Variants in TLE4 observed in about 807,000 individuals in gnomAD.
TLE4 encodes the protein transducin-like enhancer protein 4.
Under a neutral mutation model 92.8 loss-of-function variants are expected in TLE4, and 8 were observed. That is an observed-to-expected ratio of 0.09 (90% confidence interval 0.05 to 0.16). The LOEUF is 0.16. TLE4 is among the 10% of genes least tolerant of loss of function. The pLI is 1.00. For missense variants in TLE4, 675 were observed against 997.6 expected, an observed-to-expected ratio of 0.68 and a Z score of 4.36; for synonymous variants, 371 against 374.1, an observed-to-expected ratio of 0.99 and a Z score of 0.10.
intron 4 of TLE4, among the ~76,000 whole-genome samples, chr9:79,595,817 G>A (rs910709865): frequency 2.0e-5 from 3 of 151,304 alleles, no homozygotes; most frequent in African/African-American, 7.3e-5. Context: ...AATTATCTGA[G>A]AGAATTTTTG....
At position 79,681,241 on chromosome 9, in the gene TLE4, A is replaced by T. The variant is rs149312856; in HGVS notation, c.610-23542A>T. On this transcript the variant is annotated intron_variant, in intron 8 of 19. Transcript: ENST00000376552. The stretch of plus-strand genomic sequence containing the variant: ...CAAAAATTAAGATTTACTCTGGGGG[A>T]AATTATGTACTGATGAAGTAGAATG... Among the ~76,000 whole-genome samples the T allele has an allele frequency of 4.2e-3, 633 of 152,224 alleles. 1 individual carries two copies. The highest frequency in any genetic ancestry group is 0.017 in the Middle Eastern group (5 of 294).
At position 79,652,667 on chromosome 9, in the gene TLE4, C is replaced by T. The variant is rs751272082; in HGVS notation, c.465C>T (p.Leu155=). 2.5e-6 allele frequency: 4 copies of T among 1,614,220 alleles called. No individual in the cohort carries two copies. Among genetic ancestry groups the T allele is most frequent in the East Asian group, 4.5e-5 (2 of 44,874 alleles). The part of the protein sequence containing the change: ...PVPLTPHPSG[L]QPPAIPPIGS... The stretch of plus-strand genomic sequence containing the variant: ...CTCTGACTCCACACCCTTCAGGGCT[C>T]CAGCCCCCTGCCATTCCACCCATCG... Residue 155 remains leucine, a synonymous_variant, in exon 7 of 20, where the codon CTC becomes CTT. Coordinates refer to ENST00000376552, the MANE Select transcript of TLE4 (RefSeq NM_007005.6).
intron 11 of TLE4, 24 bp downstream of exon 11, chr9:79,706,923 C>T (rs2071748974): frequency 6.2e-7 from 1 of 1,608,986 alleles, no homozygotes. Context: ...TACCATCTCT[C>T]TGAGTGTGGC....
At chr9:79,688,219 G>A (rs1449339887) in intron 8 of TLE4, among the ~76,000 whole-genome samples, 1 of 152,034 alleles carries the variant, frequency 6.6e-6, no homozygotes, top group Admixed American at 6.5e-5. Flanking sequence ...TTATAGCTTG[G>A]CCTTCTCCCC....
At chr9:79,572,973 C>A in intron 1 of TLE4, 138 bp downstream of exon 1, 2 of 911,958 alleles carry the variant, frequency 2.2e-6, no homozygotes, top group Non-Finnish European at 3.1e-6. Context: ...CGGGAGCAGC[C>A]CGCCCGCCAT....
At chr9:79,605,988 T>C (rs189088761) in intron 4 of TLE4, among the ~76,000 whole-genome samples, 1 of 152,122 alleles carries the variant, frequency 6.6e-6, no homozygotes, top group African/African-American at 2.4e-5. Context: ...CACTTTCACA[T>C]TGTTTAAGAT....
intron 4 of TLE4, among the ~76,000 whole-genome samples, chr9:79,599,542 G>A (rs999475405): frequency 4.6e-5 from 7 of 152,118 alleles, no homozygotes; most frequent in African/African-American, 1.2e-4. Flanking sequence ...GAATTTTGAC[G>A]AGAAAGGGTC....
intron 4 of TLE4, among the ~76,000 whole-genome samples, chr9:79,578,565 C>G (rs983866495): frequency 6.6e-5 from 10 of 151,978 alleles, no homozygotes; most frequent in Admixed American, 6.6e-5. Context: ...TCGGTGTTCT[C>G]CCTCCTACCC....
rs375507136 is a variant in TLE4, at chr9:79,709,580, G to T, written c.1264-43G>T. ...TTGAGAAGGATAAAACAAGTCAAAT[G>T]TAACTGTGCTTATTTCTGTTGTTTG... On this transcript the variant is annotated intron_variant, in intron 13 of 19. Coordinates refer to ENST00000376552, the MANE Select transcript of TLE4 (RefSeq NM_007005.6). 6.4e-6 allele frequency: 10 copies of T among 1,561,916 alleles called. No individual in the cohort carries two copies. In the Admixed American group the frequency reaches 1.2e-4, roughly 18 times the overall value.
intron 8 of TLE4, among the ~76,000 whole-genome samples, chr9:79,683,303 A>G (rs564854707): frequency 1.3e-5 from 2 of 152,290 alleles, no homozygotes; most frequent in Admixed American, 6.5e-5. Context: ...ACTTTTTTGC[A>G]TGAAATGAGA....
intron 3 of TLE4, among the ~76,000 whole-genome samples, chr9:79,575,381 A>G (rs1384619511): frequency 6.6e-6 from 1 of 152,168 alleles, no homozygotes; most frequent in Non-Finnish European, 1.5e-5. Flanking sequence ...TTCTTTGAAA[A>G]GGAGTGATGG....
intron 5 of TLE4, among the ~76,000 whole-genome samples, chr9:79,626,024 A>G (rs2052529058): frequency 6.6e-6 from 1 of 152,102 alleles, no homozygotes; most frequent in Non-Finnish European, 1.5e-5. Context: ...TTAAGATTCT[A>G]TGGTCTATTA....
chr9:79,698,685 C>G (rs1048095008), intron 8 of TLE4, among the ~76,000 whole-genome samples: 2 of 152,038 alleles, frequency 1.3e-5, no homozygotes, highest in African/African-American at 2.4e-5. Context: ...GTGACTGGCT[C>G]AGTCAGAGCT....
At chr9:79,718,425 G>A (rs756959770) in intron 14 of TLE4, among the ~76,000 whole-genome samples, 19 of 152,262 alleles carry the variant, frequency 1.2e-4, no homozygotes, top group South Asian at 2.1e-4. Context: ...AATTCTGTGA[G>A]GTATAGGTAG....
intron 5 of TLE4, among the ~76,000 whole-genome samples, chr9:79,619,312 G>A (rs1338375686): frequency 6.6e-6 from 1 of 152,128 alleles, no homozygotes; most frequent in Non-Finnish European, 1.5e-5. Context: ...TATCTCAGAT[G>A]CTGTTTACTT....
intron 4 of TLE4, among the ~76,000 whole-genome samples, chr9:79,590,537 A>G (rs189627071): frequency 1.3e-5 from 2 of 152,352 alleles, no homozygotes; most frequent in Admixed American, 6.5e-5. Context: ...CTTTTGTAAT[A>G]TGGGAGCTCA....
intron 14 of TLE4, among the ~76,000 whole-genome samples, chr9:79,710,342 A>G (rs2072942424): frequency 6.6e-6 from 1 of 152,260 alleles, no homozygotes. Flanking sequence ...CAAAGATTTT[A>G]CTATAAAGTA....
At chr9:79,608,192 G>A (rs2047541426) in intron 4 of TLE4, among the ~76,000 whole-genome samples, 1 of 151,978 alleles carries the variant, frequency 6.6e-6, no homozygotes, top group Non-Finnish European at 1.5e-5. Flanking sequence ...AGGTAAAAAT[G>A]GAGTTGTCAG....
At chr9:79,680,845 G>A (rs1318739806) in intron 8 of TLE4, among the ~76,000 whole-genome samples, 1 of 152,172 alleles carries the variant, frequency 6.6e-6, no homozygotes, top group East Asian at 1.9e-4. Context: ...AAGCGTTGTT[G>A]AATTTTGTCA....
Sources: allele counts gnomAD v4.1 joint callset (sites outside exome capture counted in the v4.1 genomes callset), GRCh38; gene constraint gnomAD v4.1.1; transcripts MANE v1.5; gene names NCBI Gene and HGNC (gene_info 2026-07-23, HGNC 2026-07-21).